Variants in CTNS observed in about 807,000 individuals in gnomAD.
CTNS encodes cystinosin.
Under a neutral mutation model 43.7 loss-of-function variants are expected in CTNS, and 27 were observed. That is an observed-to-expected ratio of 0.62 (90% CI 0.46 to 0.85). CTNS has a LOEUF of 0.85. Ranked by LOEUF, CTNS falls within the 40% of genes least tolerant of loss-of-function variation. The pLI is 0.00. For synonymous variants in CTNS, 187 were observed against 190.6 expected (o/e 0.98, Z 0.16); for missense variants, 457 against 475.4 (o/e 0.96, Z 0.36).
chr17:3,656,840 C>T (rs759165887), intron 9 of CTNS, 45 bp downstream of exon 9: 23 of 1,610,966 alleles, frequency 1.4e-5, no homozygotes, highest in South Asian at 8.8e-5. Context: ...AGCCAACACC[C>T]GCCACCCCAC....
At chr17:3,652,368 G>C (rs1234840870) in intron 5 of CTNS, among the ~76,000 whole-genome samples, 1 of 152,178 alleles carries the variant, frequency 6.6e-6, no homozygotes, top group Non-Finnish European at 1.5e-5. Flanking sequence ...GAGGCAGGCA[G>C]ATCACCTGAG....
At chr17:3,640,115 G>A in intron 2 of CTNS, 73 bp from the exon 3 acceptor site, 1 of 1,214,122 alleles carries the variant, frequency 8.2e-7, no homozygotes, top group Non-Finnish European at 1.2e-6. Flanking sequence ...TGCTCCAGAG[G>A]GCAGATTGTC....
At position 3,661,830 on chromosome 17, in the gene CTNS, C is replaced by T. The variant is rs1360502408; in HGVS notation, c.*1461C>T. Among the ~76,000 whole-genome samples, 1 of 152,094 alleles carries T rather than the reference C, an allele frequency of 6.6e-6. No individual in the cohort carries two copies. Among genetic ancestry groups the T allele is most frequent in the Non-Finnish European group, 1.5e-5 (1 of 68,012 alleles). On this transcript the variant is annotated 3_prime_UTR_variant, in exon 12 of 12. Transcript: ENST00000046640. Reference sequence around the variant, plus strand: ...CTGAAGGGCACACCAGCACTGGGAGCGGGGGCAGTGGGGGTCTTATTCTCC... The same window carrying T: ...CTGAAGGGCACACCAGCACTGGGAGTGGGGGCAGTGGGGGTCTTATTCTCC...
upstream of CTNS, chr17:3,636,635 G>C (rs2075535916): frequency 5.5e-6 from 1 of 181,084 alleles, no homozygotes; most frequent in Admixed American, 6.3e-5. Flanking sequence ...GTCCGTCTAA[G>C]ACGCGCGGAA....
intron 2 of CTNS, among the ~76,000 whole-genome samples, chr17:3,638,639 A>C (rs959750803): frequency 2.2e-4 from 33 of 152,322 alleles, no homozygotes; most frequent in Non-Finnish European, 1.8e-4. Context: ...AGGCTTGGGA[A>C]TGTTTGCTGA....
intron 5 of CTNS, among the ~76,000 whole-genome samples, chr17:3,652,047 C>A (rs1257189936): frequency 6.6e-6 from 1 of 151,796 alleles, no homozygotes; most frequent in Admixed American, 6.6e-5. Context: ...CATTGATGGG[C>A]ACCAACCTAC....
At chr17:3,648,795 G>A (rs1445626432) in intron 4 of CTNS, 52 bp from the exon 5 acceptor site, 1 of 1,424,046 alleles carries the variant, frequency 7.0e-7, no homozygotes, top group African/African-American at 1.4e-5. Context: ...AGGGTTGGTT[G>A]AGATCTCACT....
Position 3,660,605 on chromosome 17 carries a change from C to G in CTNS, c.*236C>G. 6.2e-7 allele frequency: 1 copy of G among 1,613,380 alleles called. No individual in the cohort carries two copies. Among genetic ancestry groups the G allele is most frequent in the Non-Finnish European group, 8.5e-7 (1 of 1,179,996 alleles). On this transcript the variant is annotated 3_prime_UTR_variant, in exon 12 of 12. Coordinates refer to ENST00000046640, the MANE Select transcript of CTNS (RefSeq NM_004937.3). Reference sequence around the variant, plus strand: ...CACCGTCGCCTTGACACCGCCATCTCTTTTCTTTAAGGCTTCAGGCAGCGC... The same window carrying G: ...CACCGTCGCCTTGACACCGCCATCTGTTTTCTTTAAGGCTTCAGGCAGCGC...
chr17:3,655,391 C>A, intron 7 of CTNS, 39 bp downstream of exon 7: 1 of 1,612,710 alleles, frequency 6.2e-7, no homozygotes, highest in South Asian at 1.1e-5. Context: ...CTCTCGGGGC[C>A]CCTAGGAGCA....
intron 10 of CTNS, 45 bp from the exon 11 acceptor site, chr17:3,659,813 C>G: frequency 6.8e-7 from 1 of 1,470,634 alleles, no homozygotes; most frequent in Admixed American, 1.7e-5. Context: ...GGCAGCCGCC[C>G]AGCCCTCACC....
chr17:3,649,706 T>C (rs529955943), intron 5 of CTNS, among the ~76,000 whole-genome samples: 194 of 152,304 alleles, frequency 1.3e-3, no homozygotes, highest in African/African-American at 4.5e-3. Flanking sequence ...TGTGATCTAA[T>C]AGCGATCATT....
chr17:3,646,352 G>A (rs2075843912), intron 3 of CTNS, among the ~76,000 whole-genome samples: 1 of 147,908 alleles, frequency 6.8e-6, no homozygotes, highest in African/African-American at 2.5e-5. Context: ...ATGCAGTAGC[G>A]ATCTCAGCTC....
intron 10 of CTNS, among the ~76,000 whole-genome samples, chr17:3,659,102 A>G (rs1368175714): frequency 6.6e-6 from 1 of 152,170 alleles, no homozygotes; most frequent in African/African-American, 2.4e-5. Flanking sequence ...GAGGGGCAGC[A>G]GCAAGTACGG....
At position 3,658,157 on chromosome 17, in the gene CTNS, G is replaced by A. The variant is rs139519275; in HGVS notation, c.834G>A (p.Leu278=). The A allele has an allele frequency of 1.6e-4, 265 of 1,612,006 alleles. 1 individual carries two copies. The African/African-American group carries it at 3.2e-3, about 20-fold the overall frequency. The change falls in exon 10 of 12, where the codon CTG becomes CTA. Residue 278 remains leucine, a synonymous_variant. Coordinates refer to ENST00000046640, the MANE Select transcript of CTNS (RefSeq NM_004937.3). The part of the protein sequence containing the change: ...CFSYIKLAVT[L]VKYFPQAYMN... Reference sequence around the variant, plus strand: ...CCTACATCAAGCTCGCAGTCACGCTGGTCAAGTATTTTCCACAGGTACCTC... The same window carrying A: ...CCTACATCAAGCTCGCAGTCACGCTAGTCAAGTATTTTCCACAGGTACCTC...
chr17:3,639,565 G>A (rs2075629896), intron 2 of CTNS, among the ~76,000 whole-genome samples: 1 of 151,964 alleles, frequency 6.6e-6, no homozygotes, highest in South Asian at 2.1e-4. Context: ...CTACTCAGGA[G>A]GCTGAGGCAC....
chr17:3,653,881 G>GGA (rs1555562514), intron 5 of CTNS, among the ~76,000 whole-genome samples: 9 of 150,576 alleles, frequency 6.0e-5, no homozygotes, highest in Non-Finnish European at 1.2e-4. Flanking sequence ...CATCTCGGGG[G>GGA]AAAAATAAAG....
intron 7 of CTNS, chr17:3,655,813 G>A (rs2076117234): frequency 2.4e-5 from 6 of 246,656 alleles, no homozygotes; most frequent in Non-Finnish European, 4.8e-5. Flanking sequence ...AGCCGGGAGG[G>A]AGACGCTTTC....
chr17:3,649,957 G>A (rs753433909), intron 5 of CTNS, among the ~76,000 whole-genome samples: 88 of 152,270 alleles, frequency 5.8e-4, no homozygotes, highest in Non-Finnish European at 9.4e-4. Flanking sequence ...CTAAGAGATA[G>A]ATCCTAAATG....
chr17:3,662,401 G>T lies in CTNS; in HGVS notation c.*2032G>T, dbSNP rs1053167746. Among the ~76,000 whole-genome samples the T allele has an allele frequency of 6.6e-6, 1 of 152,148 alleles. No homozygotes were observed. Among genetic ancestry groups the T allele is most frequent in the African/African-American group, 2.4e-5 (1 of 41,414 alleles). On this transcript the variant is annotated 3_prime_UTR_variant, in exon 12 of 12. Transcript: ENST00000046640. ...GAGTGCTAACACCTTCCCAGAGGTG[G>T]TACGCAGGTAGTCAGGTGCTCTCTG...
Sources: gnomAD v4.1 joint callset for allele counts (sites outside exome capture counted in the v4.1 genomes callset) on GRCh38, gnomAD v4.1.1 for gene constraint, MANE v1.5 for transcripts, NCBI Gene and HGNC (gene_info 2026-07-23, HGNC 2026-07-21) for gene names.